Variants in CTNS observed in about 807,000 individuals in gnomAD.
CTNS encodes the protein cystinosin.
In CTNS, 27 loss-of-function variants were observed where a neutral mutation model predicts 43.7. The observed-to-expected ratio is 0.62, with a 90% CI of 0.46 to 0.85. CTNS has a LOEUF of 0.85. CTNS is among the 40% of genes least tolerant of loss of function. The probability of loss-of-function intolerance (pLI) is 0.00; values close to 1 mark genes in which losing one functional copy is unlikely to be tolerated. For synonymous variants in CTNS, 187 were observed against 190.6 expected (o/e 0.98, Z 0.16); for missense variants, 457 against 475.4 (o/e 0.96, Z 0.36).
rs1354034284 is a variant in CTNS at position 3,661,237 on chromosome 17, C to T, written c.*868C>T. 4.0e-5 allele frequency: 8 copies of T among 199,516 alleles called. No homozygotes were observed. The highest frequency in any genetic ancestry group is 1.2e-4 in the East Asian group (1 of 8,178). The allele number at this position is 199,516 out of a possible 1,614,324, so 12.4% of individuals were successfully genotyped here. ...CAAACGGCGACCAGCTCCCCTGGAG[C>T]GAGGGCAGGCCCCTTCCCTCTCTTT... On this transcript the variant is annotated 3_prime_UTR_variant, in exon 12 of 12. Coordinates refer to ENST00000046640, the MANE Select transcript of CTNS (RefSeq NM_004937.3).
At chr17:3,656,848 C>T (rs2076161843) in intron 9 of CTNS, 53 bp downstream of exon 9, 7 of 1,610,276 alleles carry the variant, frequency 4.3e-6, no homozygotes, top group Non-Finnish European at 5.9e-6. Context: ...CCCGCCACCC[C>T]ACCTCACCTT....
rs150554216 is a variant in CTNS, at chr17:3,655,099, C to A, written c.327C>A (p.Thr109=). ...VYLHGNHSNQ[T]GPRIRFLVIR... Reference sequence around the variant, plus strand: ...TACATGGAAATCACTCCAATCAGACCGGGTAGGCTGGCCTCAGGGTGTGCG... The same window carrying A: ...TACATGGAAATCACTCCAATCAGACAGGGTAGGCTGGCCTCAGGGTGTGCG... The change falls in exon 6 of 12, where the codon ACC becomes ACA. Residue 109 remains threonine, a splice_region_variant and synonymous_variant. Coordinates refer to ENST00000046640, the MANE Select transcript of CTNS (RefSeq NM_004937.3). The A allele has an allele frequency of 4.3e-6, 7 of 1,613,802 alleles. No homozygotes were observed. The highest frequency in any genetic ancestry group is 5.9e-6 in the Non-Finnish European group (7 of 1,179,714).
In CTNS at chr17:3,658,175, G is replaced by A. The variant is rs1238793405; in HGVS notation, c.852G>A (p.Gln284=). 6.2e-7 allele frequency: 1 copy of A among 1,612,044 alleles called. No homozygotes were observed. Among genetic ancestry groups the A allele is most frequent in the South Asian group, 1.1e-5 (1 of 91,006 alleles). The stretch of plus-strand genomic sequence containing the variant: ...TCACGCTGGTCAAGTATTTTCCACA[G>A]GTACCTCCAGGGCCCTGTTCACATG... ...LAVTLVKYFP[Q]AYMNFYYKST... The change falls in exon 10 of 12, where the codon CAG becomes CAA. Residue 284 remains glutamine, a splice_region_variant and synonymous_variant. Transcript: ENST00000046640.
intron 3 of CTNS, among the ~76,000 whole-genome samples, chr17:3,642,360 A>G (rs2075741691): frequency 6.6e-6 from 1 of 152,124 alleles, no homozygotes; most frequent in Non-Finnish European, 1.5e-5. Flanking sequence ...TCCCTGCTGC[A>G]TGAGATCACT....
intron 3 of CTNS, among the ~76,000 whole-genome samples, chr17:3,641,433 T>C (rs2075705212): frequency 7.7e-6 from 1 of 130,442 alleles, no homozygotes; most frequent in South Asian, 2.7e-4. Flanking sequence ...ACTCTGTCGC[T>C]GAGGCTGGTG....
chr17:3,647,071 A>G (rs1377361483), intron 3 of CTNS, among the ~76,000 whole-genome samples: 1 of 152,192 alleles, frequency 6.6e-6, no homozygotes. Context: ...CTGTGCTTTC[A>G]TCTGAAGAGG....
At position 3,660,241 on chromosome 17, in the gene CTNS, T is replaced by A. The variant is rs372665052; in HGVS notation, c.976T>A (p.Trp326Arg). 5 of 1,614,090 alleles carry A rather than the reference T, an allele frequency of 3.1e-6. No homozygotes were observed. In the African/African-American group the frequency reaches 6.7e-5, roughly 22 times the overall value. Residue 326 changes from tryptophan to arginine, a missense_variant, in exon 12 of 12, where the codon TGG (tryptophan) becomes AGG (arginine). Coordinates refer to ENST00000046640, the MANE Select transcript of CTNS (RefSeq NM_004937.3). ...MFLQSYNNDQ[W>R]TLIFGDPTKF... ...TGTCCCCCGGCTGCTAACAGACCAG[T>A]GGACGCTGATCTTCGGAGACCCAAC...
intron 3 of CTNS, among the ~76,000 whole-genome samples, chr17:3,643,574 A>T (rs1006089629): frequency 2.1e-5 from 3 of 143,052 alleles, no homozygotes; most frequent in Admixed American, 1.4e-4. Flanking sequence ...ACAAAAAAAA[A>T]TTTTTTTTTA....
In CTNS at chr17:3,660,579, G is replaced by A; in HGVS notation, c.*210G>A. ...CTGGGCCTCCCCGGCCAGGCACGTGGCACCGTCGCCTTGACACCGCCATCT... is the reference window on the plus strand; with the variant it reads ...CTGGGCCTCCCCGGCCAGGCACGTGACACCGTCGCCTTGACACCGCCATCT... On this transcript the variant is annotated 3_prime_UTR_variant, in exon 12 of 12. Transcript: ENST00000046640. 6.2e-7 allele frequency: 1 copy of A among 1,613,192 alleles called. No homozygotes were observed. Among genetic ancestry groups the A allele is most frequent in the Admixed American group, 1.7e-5 (1 of 60,034 alleles).
chr17:3,646,786 T>C (rs1483838095), intron 3 of CTNS, among the ~76,000 whole-genome samples: 3 of 33,568 alleles, frequency 8.9e-5, no homozygotes, highest in Admixed American at 6.1e-4. Context: ...TCTTCCCTCA[T>C]CTGGGGGCCT....
At position 3,648,885 on chromosome 17, in the gene CTNS, T is replaced by C; in HGVS notation, c.179T>C (p.Ile60Thr). The change falls in exon 5 of 12, where the codon ATC becomes ACC. Residue 60 changes from isoleucine (I) to threonine (T), a missense_variant. Ile to Thr is a moderately conservative substitution (Grantham distance 89). Transcript: ENST00000046640. ...GCAACCCTGGTGATCACTTTTGAAA[T>C]CACATTTCGTTCCAAAAATATTACT... is the stretch of plus-strand genomic sequence containing the variant. ...LNATLVITFE[I>T]TFRSKNITIL... 6.2e-7 allele frequency: 1 copy of C among 1,614,054 alleles called. No individual in the cohort carries two copies.
intron 3 of CTNS, among the ~76,000 whole-genome samples, chr17:3,643,469 C>T (rs537251374): frequency 6.6e-6 from 1 of 152,234 alleles, no homozygotes; most frequent in Admixed American, 6.5e-5. Flanking sequence ...TGGCTCATAC[C>T]TGTAATCCCA....
intron 10 of CTNS, among the ~76,000 whole-genome samples, chr17:3,658,377 G>T (rs183099131): frequency 6.6e-6 from 1 of 152,210 alleles, no homozygotes; most frequent in Admixed American, 6.5e-5. Context: ...ACAGGAGATC[G>T]CTAGCGGAGG....
chr17:3,647,187 C>G (rs2075863374), intron 3 of CTNS, among the ~76,000 whole-genome samples: 2 of 152,224 alleles, frequency 1.3e-5, no homozygotes, highest in African/African-American at 4.8e-5. Flanking sequence ...CAGCCGCAGA[C>G]TCTCAGAGCC....
At chr17:3,640,315 C>G in intron 3 of CTNS, 48 bp downstream of exon 3, 1 of 1,548,424 alleles carries the variant, frequency 6.5e-7, no homozygotes. Context: ...GAAATGGTGG[C>G]TAGAGGAAGG....
At position 3,660,979 on chromosome 17, in the gene CTNS, C is replaced by T; in HGVS notation, c.*610C>T. The T allele has an allele frequency of 1.7e-6, 1 of 592,920 alleles. No homozygotes were observed. Among genetic ancestry groups the T allele is most frequent in the South Asian group, 2.0e-5 (1 of 51,082 alleles). The allele number at this position is 592,920 out of a possible 1,614,324, so 36.7% of individuals were successfully genotyped here. A position where few individuals can be genotyped will look rare whatever the true frequency, so the allele number is the denominator to read the frequency against. ...GTATTTCTGAGCCATGAGGGGCCCA[C>T]CAGATTGGTTCTGAATTGGATTCAT... On this transcript the variant is annotated 3_prime_UTR_variant, in exon 12 of 12. Coordinates refer to ENST00000046640, the MANE Select transcript of CTNS (RefSeq NM_004937.3).
intron 3 of CTNS, among the ~76,000 whole-genome samples, chr17:3,642,056 TACCCGG>T (rs1264379524): frequency 3.9e-5 from 2 of 51,416 alleles, no homozygotes; most frequent in South Asian, 5.0e-4. Context: ...TGTGTGTGTG[TACCCGG>T]GCGTGTGTGT....
chr17:3,660,259 G>T lies in CTNS; in HGVS notation c.994G>T (p.Asp332Tyr). Residue 332 changes from aspartate to tyrosine, a missense_variant, in exon 12 of 12, where the codon GAC becomes TAC. Physicochemically the swap from Asp to Tyr is radical, Grantham distance 160. Transcript: ENST00000046640. ...NNDQWTLIFG[D>Y]PTKFGLGVFS... is the part of the protein sequence containing the mutation. ...AGACCAGTGGACGCTGATCTTCGGA[G>T]ACCCAACCAAGTTTGGACTCGGGGT... 1.2e-6 allele frequency: 2 copies of T among 1,614,224 alleles called. No homozygotes were observed. The highest frequency in any genetic ancestry group is 1.7e-6 in the Non-Finnish European group (2 of 1,180,040).
intron 5 of CTNS, chr17:3,650,458 A>G: frequency 9.3e-7 from 1 of 1,080,352 alleles, no homozygotes; most frequent in Non-Finnish European, 1.3e-6. Context: ...CTCCAGCCTG[A>G]GTGTTGGAGC....
Sources: allele counts gnomAD v4.1 joint callset (sites outside exome capture counted in the v4.1 genomes callset), GRCh38; gene constraint gnomAD v4.1.1; transcripts MANE v1.5; gene names NCBI Gene and HGNC (gene_info 2026-07-23, HGNC 2026-07-21).